The following NLGN4X variants were observed in gnomAD, a reference collection of about 807,000 sequenced individuals.
NLGN4X encodes the protein neuroligin-4, X-linked.
In NLGN4X, 3 loss-of-function variants were observed where a neutral mutation model predicts 40.3. The observed-to-expected ratio is 0.07, with a 90% confidence interval of 0.03 to 0.19. The LOEUF is 0.19. Among genes scored for constraint, NLGN4X ranks in the 10% least tolerant of loss-of-function variants. The pLI is 1.00. For synonymous variants in NLGN4X, 270 were observed against 306.8 expected (o/e 0.88, Z 1.25); for missense variants, 382 against 708.3 (o/e 0.54, Z 5.23).
intron 3 of NLGN4X, among the ~76,000 whole-genome samples, chrX:5,966,542 C>T (rs758695012): frequency 8.9e-6 from 1 of 112,451 alleles, no homozygotes; most frequent in Admixed American, 9.4e-5. Context: ...GTAAACTGAA[C>T]AATGAAAAGT....
At chrX:6,077,361 CACCGAGGCCTTGA>C (rs1225367141) in intron 2 of NLGN4X, among the ~76,000 whole-genome samples, 4 of 108,459 alleles carry the variant, frequency 3.7e-5, no homozygotes, top group Non-Finnish European at 7.6e-5. Flanking sequence ...GGACAGAGTG[CACCGAGGCCTTGA>C]ACTCTCAGGT....
At chrX:5,992,119 T>C (rs1205376724) in intron 3 of NLGN4X, among the ~76,000 whole-genome samples, 3 of 111,736 alleles carry the variant, frequency 2.7e-5, no homozygotes, top group Non-Finnish European at 5.6e-5. Flanking sequence ...TTTATACCTA[T>C]AATTTTACTA....
chrX:6,136,444 G>A (rs1602297533), intron 2 of NLGN4X, among the ~76,000 whole-genome samples: 1 of 111,686 alleles, frequency 9.0e-6, no homozygotes, highest in Non-Finnish European at 1.9e-5. Context: ...GAATAACTGA[G>A]GAAGGTTCGC....
At chrX:5,909,018 G>A (rs1326753028) in intron 4 of NLGN4X, 36 bp downstream of exon 4, 2 of 1,199,887 alleles carry the variant, frequency 1.7e-6, no homozygotes, top group Non-Finnish European at 2.3e-6. Context: ...TTGGTTCAGG[G>A]TATTTGCCCG....
chrX:6,127,193 A>G (rs1252340143), intron 2 of NLGN4X, among the ~76,000 whole-genome samples: 1 of 111,332 alleles, frequency 9.0e-6, no homozygotes, highest in Non-Finnish European at 1.9e-5. Context: ...GTCCAGTTCA[A>G]CCTCAGCGGG....
At chrX:5,952,414 T>A (rs1054388765) in intron 3 of NLGN4X, among the ~76,000 whole-genome samples, 6 of 110,466 alleles carry the variant, frequency 5.4e-5, no homozygotes, top group African/African-American at 2.0e-4. Context: ...GTGAGAAGGA[T>A]GGGGTTTCTT....
intron 1 of NLGN4X, among the ~76,000 whole-genome samples, chrX:6,160,511 T>C (rs953803923): frequency 3.8e-5 from 4 of 105,500 alleles, no homozygotes; most frequent in Non-Finnish European, 7.8e-5. Context: ...ACTTATCATA[T>C]ATGAAATTAT....
In NLGN4X at chrX:5,954,591, G is replaced by A. The variant is rs757075839; in HGVS notation, c.626-45352C>T. On this transcript the variant is annotated intron_variant, in intron 3 of 5. Coordinates refer to ENST00000381095, the MANE Select transcript of NLGN4X (RefSeq NM_181332.3). Reference sequence around the variant, plus strand: ...CACTAGCATCATCCCTTGGTCCCTGGCAATCTCTGTCTCTGTCTCTGTCTC... The same window carrying A: ...CACTAGCATCATCCCTTGGTCCCTGACAATCTCTGTCTCTGTCTCTGTCTC... Among the ~76,000 whole-genome samples the A allele has an allele frequency of 1.9e-3, 195 of 101,269 alleles. No homozygotes were observed. The Middle Eastern group carries it at 0.025, about 13-fold the overall frequency. 87.9% of individuals were successfully genotyped at this position (101,269 alleles called of 115,157 possible). A position where few individuals can be genotyped will look rare whatever the true frequency, so the allele number is the denominator to read the frequency against.
intron 1 of NLGN4X, among the ~76,000 whole-genome samples, chrX:6,200,414 G>A (rs1399628167): frequency 1.8e-5 from 2 of 111,501 alleles, no homozygotes; most frequent in African/African-American, 6.5e-5. Flanking sequence ...AACCAAAAGA[G>A]GACTGGGACA....
At chrX:6,025,797 C>T (rs1466496906) in intron 3 of NLGN4X, among the ~76,000 whole-genome samples, 3 of 106,716 alleles carry the variant, frequency 2.8e-5, no homozygotes, top group African/African-American at 1.0e-4. Flanking sequence ...CCAGCTACTG[C>T]GGAGGCTGAG....
intron 2 of NLGN4X, among the ~76,000 whole-genome samples, chrX:6,042,730 T>TACACAC (rs1555956845): frequency 0.12 from 2,488 of 19,953 alleles, 298 homozygotes; most frequent in Middle Eastern, 0.5. Context: ...TATATATATA[T>TACACAC]ACACACACAC....
At chrX:5,975,079 C>T (rs770358519) in intron 3 of NLGN4X, among the ~76,000 whole-genome samples, 1 of 111,782 alleles carries the variant, frequency 8.9e-6, no homozygotes, top group East Asian at 2.8e-4. Context: ...CTGCTGGAGA[C>T]TTCATCATGC....
At chrX:6,125,452 C>CAACAAATAATATAAACAATATA (rs1380810114) in intron 2 of NLGN4X, among the ~76,000 whole-genome samples, 1 of 111,054 alleles carries the variant, frequency 9.0e-6, no homozygotes, top group African/African-American at 3.3e-5. Context: ...CAACAATATA[C>CAACAAATAATATAAACAATATA]AACAAATAAT....
intron 1 of NLGN4X, among the ~76,000 whole-genome samples, chrX:6,172,441 CTA>C (rs1342850019): frequency 8.9e-6 from 1 of 112,044 alleles, no homozygotes; most frequent in Non-Finnish European, 1.9e-5. Context: ...TTCCATTTTG[CTA>C]TCTCTCTCTC....
intron 1 of NLGN4X, among the ~76,000 whole-genome samples, chrX:6,223,671 G>A (rs1019661736): frequency 2.7e-5 from 3 of 112,468 alleles, no homozygotes; most frequent in African/African-American, 6.5e-5. Flanking sequence ...GAAAATATTC[G>A]TTGAGTGAAT....
chrX:6,068,572 C>T (rs2037982077), intron 2 of NLGN4X, among the ~76,000 whole-genome samples: 1 of 111,613 alleles, frequency 9.0e-6, no homozygotes, highest in African/African-American at 3.3e-5. Flanking sequence ...ATTAATGCAA[C>T]AGAAAATAAA....
intron 2 of NLGN4X, among the ~76,000 whole-genome samples, chrX:6,121,230 C>T (rs188160535): frequency 1.8e-5 from 2 of 110,718 alleles, no homozygotes; most frequent in East Asian, 5.7e-4. Flanking sequence ...TCAAAACCTA[C>T]GTTTGAAAAC....
intron 1 of NLGN4X, among the ~76,000 whole-genome samples, chrX:6,157,163 C>A (rs1418673793): frequency 3.6e-5 from 4 of 110,517 alleles, no homozygotes; most frequent in Non-Finnish European, 7.6e-5. Flanking sequence ...TCAAGATGAT[C>A]TTGCACCATA....
At chrX:5,920,646 G>A (rs2032992958) in intron 3 of NLGN4X, among the ~76,000 whole-genome samples, 1 of 111,770 alleles carries the variant, frequency 8.9e-6, no homozygotes, top group Non-Finnish European at 1.9e-5. Context: ...TGATAGGTTT[G>A]GATACGTGTT....
Sources: allele counts gnomAD v4.1 joint callset (sites outside exome capture counted in the v4.1 genomes callset), GRCh38; gene constraint gnomAD v4.1.1; transcripts MANE v1.5; gene names NCBI Gene and HGNC (gene_info 2026-07-23, HGNC 2026-07-21).